ITPA: variants seen among roughly 807,000 people sequenced by gnomAD.
ITPA encodes the protein inosine triphosphatase.
Under a neutral mutation model 29.6 loss-of-function variants are expected in ITPA, and 29 were observed. The ratio of observed to expected loss-of-function variants is 0.98; its 90% CI spans 0.73 to 1.34. ITPA has a LOEUF of 1.34. Among genes scored for constraint, ITPA ranks in the 40% most tolerant of loss-of-function variants. The pLI is 0.00. For missense variants in ITPA, 241 were observed against 251.5 expected, an observed-to-expected ratio of 0.96 and a Z score of 0.28; for synonymous variants, 103 against 99.3, an observed-to-expected ratio of 1.04 and a Z score of -0.22.
At chr20:3,213,260 G>C (rs780589450) in intron 2 of ITPA, 34 bp downstream of exon 2, 1 of 1,614,158 alleles carries the variant, frequency 6.2e-7, no homozygotes, top group Non-Finnish European at 8.5e-7. Flanking sequence ...TTTAAAAGAT[G>C]GTTGGATTTC....
At chr20:3,219,257 A>T (rs1002768056) in intron 6 of ITPA, among the ~76,000 whole-genome samples, 85 of 117,078 alleles carry the variant, frequency 7.3e-4, no homozygotes, top group Admixed American at 1.9e-3. Context: ...CCCAGGCTGG[A>T]GTGCAGTGGT....
chr20:3,213,202 A>G lies in ITPA; in HGVS notation c.100A>G (p.Thr34Ala), dbSNP rs199769023. The G allele has an allele frequency of 9.9e-5, 160 of 1,614,052 alleles. No individual in the cohort carries two copies. Among genetic ancestry groups the G allele is most frequent in the Non-Finnish European group, 9.3e-5 (110 of 1,180,022 alleles). The stretch of plus-strand genomic sequence containing the variant: ...GATTCTAGGAGATAAGTTTCCATGC[A>G]CTTTGGTGGCACAGAAAATTGACCG... ...VQILGDKFPC[T>A]LVAQKIDLPE... The change falls in exon 2 of 8, where the codon ACT becomes GCT. Residue 34 changes from threonine (T) to alanine (A), a missense_variant. Coordinates refer to ENST00000380113, the MANE Select transcript of ITPA (RefSeq NM_033453.4).
chr20:3,209,506 A>G lies in ITPA; in HGVS notation c.-46A>G. The stretch of plus-strand genomic sequence containing the variant: ...CCAGCCGGAAGTTTTCTGTCACTGG[A>G]CGCCAAGGAGTTTTCGGTGGCTCAG... On this transcript the variant is annotated 5_prime_UTR_variant, in exon 1 of 8. Transcript: ENST00000380113. The surrounding 1 kb of genome is among the most constrained non-coding windows in gnomAD (Gnocchi z 4.6). 1 of 1,569,946 alleles carries G rather than the reference A, an allele frequency of 6.4e-7. No individual in the cohort carries two copies. Among genetic ancestry groups the G allele is most frequent in the African/African-American group, 1.4e-5 (1 of 74,026 alleles).
At chr20:3,225,021 A>G (rs1286458892), downstream of ITPA, among the ~76,000 whole-genome samples, 2 of 152,162 alleles carry the variant, frequency 1.3e-5, no homozygotes, top group Admixed American at 1.3e-4. Flanking sequence ...CCTGTGCAAC[A>G]TGGCAAAACC....
intron 5 of ITPA, among the ~76,000 whole-genome samples, chr20:3,215,830 C>T (rs2067281904): frequency 2.0e-5 from 3 of 151,938 alleles, no homozygotes; most frequent in South Asian, 4.1e-4. Flanking sequence ...GGATTACAGG[C>T]GCCCACCACC....
At chr20:3,225,374 T>C (rs1288366652), downstream of ITPA, among the ~76,000 whole-genome samples, 3 of 152,012 alleles carry the variant, frequency 2.0e-5, no homozygotes, top group Non-Finnish European at 4.4e-5. Context: ...GGACTTTCGG[T>C]CTCCACCCCC....
At chr20:3,204,393 C>T (rs762829775), upstream of ITPA, 40 of 801,022 alleles carry the variant, frequency 5.0e-5, no homozygotes, top group Non-Finnish European at 6.8e-5. Context: ...GGAAGCCCCA[C>T]CCGGCACACG....
At chr20:3,205,254 G>T (rs1039149946), upstream of ITPA, among the ~76,000 whole-genome samples, 1 of 151,928 alleles carries the variant, frequency 6.6e-6, no homozygotes, top group Non-Finnish European at 1.5e-5. Flanking sequence ...CCAACTTCAG[G>T]ATAGCGATTA....
Position 3,218,626 on chromosome 20 carries a change from G to A in ITPA, c.405G>A (p.Arg135=), listed in dbSNP as rs1006570797. 3.7e-6 allele frequency: 6 copies of A among 1,611,056 alleles called. No individual in the cohort carries two copies. The highest frequency in any genetic ancestry group is 2.2e-5 in the East Asian group (1 of 44,866). The change falls in exon 6 of 8, where the codon CGG becomes CGA. Residue 135 remains arginine, a synonymous_variant. Transcript: ENST00000380113. ...PSQPVRLFRG[R]TSGRIVAPRG... is the part of the protein sequence containing the mutation. ...AGCCCGTGCGCCTGTTCAGGGGCCG[G>A]ACCTCGGTGCGTACCCACCTTGATG...
chr20:3,226,186 G>A (rs1490243355), downstream of ITPA, among the ~76,000 whole-genome samples: 2 of 152,164 alleles, frequency 1.3e-5, no homozygotes, highest in Non-Finnish European at 2.9e-5. This position sits in a 1 kb window ranked among gnomAD's most constrained non-coding sequence, Gnocchi z 4.4. Context: ...GGAAGTTAGG[G>A]GTGGTCTCGT....
upstream of ITPA, among the ~76,000 whole-genome samples, chr20:3,204,308 G>T (rs1047250858): frequency 3.3e-5 from 5 of 152,186 alleles, no homozygotes; most frequent in Admixed American, 1.3e-4. Flanking sequence ...TGAAGAGAGG[G>T]ATGAGGCCAG....
At chr20:3,215,375 G>A (rs2067270575) in intron 5 of ITPA, 63 bp downstream of exon 5, 2 of 1,494,910 alleles carry the variant, frequency 1.3e-6, no homozygotes, top group Non-Finnish European at 1.9e-6. Flanking sequence ...TTTGTCTAGG[G>A]GAGGGACCCC....
intron 4 of ITPA, among the ~76,000 whole-genome samples, chr20:3,214,806 C>T (rs1448125568): frequency 2.0e-5 from 3 of 152,064 alleles, no homozygotes; most frequent in Admixed American, 1.3e-4. Context: ...GTCTCCATCT[C>T]CTGACCTCGT....
At chr20:3,222,807 G>A (rs1416692511) in intron 7 of ITPA, among the ~76,000 whole-genome samples, 1 of 152,224 alleles carries the variant, frequency 6.6e-6, no homozygotes, top group Non-Finnish European at 1.5e-5. Context: ...TGCGTGTGGT[G>A]AGACCCAGAA....
At chr20:3,204,644 C>A (rs1165764715), upstream of ITPA, 4 of 1,567,802 alleles carry the variant, frequency 2.6e-6, no homozygotes. Flanking sequence ...GGCCTCAGTG[C>A]AGAACCACTG....
chr20:3,206,387 C>CAAAA (rs143721062), upstream of ITPA, among the ~76,000 whole-genome samples: 2 of 33,606 alleles, frequency 6.0e-5, no homozygotes, highest in Non-Finnish European at 5.7e-5. Flanking sequence ...GACTCAGTCT[C>CAAAA]AAAAAAAAAA....
chr20:3,215,090 C>T (rs2067262293), intron 4 of ITPA, 191 bp from the exon 5 acceptor site: 1 of 612,636 alleles, frequency 1.6e-6, no homozygotes, highest in Non-Finnish European at 3.0e-6. Context: ...TTTTCTCAAA[C>T]TCCTGAGCTC....
intron 6 of ITPA, among the ~76,000 whole-genome samples, chr20:3,219,760 AAAG>A (rs1404846673): frequency 6.6e-6 from 1 of 151,436 alleles, no homozygotes; most frequent in East Asian, 2.0e-4. Flanking sequence ...AAAAAAAAAA[AAAG>A]AGGCTGAGCA....
upstream of ITPA, among the ~76,000 whole-genome samples, chr20:3,208,383 T>G (rs1257430883): frequency 2.0e-5 from 3 of 152,144 alleles, no homozygotes; most frequent in African/African-American, 7.2e-5. Context: ...CACACATTTT[T>G]TTTCTTTTTC....
Sources: gnomAD v4.1 joint callset for allele counts (sites outside exome capture counted in the v4.1 genomes callset) on GRCh38, gnomAD v4.1.1 for gene constraint, Gnocchi (gnomAD v3.1) non-coding constraint, MANE v1.5 for transcripts, NCBI Gene and HGNC (gene_info 2026-07-23, HGNC 2026-07-21) for gene names.